Variants in UGT2B28 observed in about 807,000 individuals in gnomAD.
UGT2B28 encodes UDP-glucuronosyltransferase 2B28.
A neutral mutation model predicts 43.6 loss-of-function variants in UGT2B28; 45 were observed. The observed-to-expected ratio is 1.03, with a 90% CI of 0.81 to 1.32. The LOEUF is 1.32. Ranked by LOEUF, UGT2B28 falls within the 40% of genes most tolerant of loss-of-function variation. The pLI is 0.00. For synonymous variants in UGT2B28, 204 were observed against 208.1 expected, an observed-to-expected ratio of 0.98 and a Z score of 0.17; for missense variants, 649 against 625.5, an observed-to-expected ratio of 1.04 and a Z score of -0.40.
At chr4:69,288,339 C>A (rs186116488) in intron 3 of UGT2B28, among the ~76,000 whole-genome samples, 1 of 138,774 alleles carries the variant, frequency 7.2e-6, no homozygotes, top group Non-Finnish European at 1.5e-5. Context: ...GCTATTTTGT[C>A]AATCAAAGGA....
At position 69,287,109 on chromosome 4, in the gene UGT2B28, T is replaced by C. The variant is rs1487068790; in HGVS notation, c.1002+226T>C. The stretch of plus-strand genomic sequence containing the variant: ...ACCCTTGGTATGCATGAGTGGTTCC[T>C]ATTACTACCAGTGGGAACTCAGTAC... On this transcript the variant is annotated intron_variant, in intron 3 of 5. Coordinates refer to ENST00000335568, the MANE Select transcript of UGT2B28 (RefSeq NM_053039.2). Among the ~76,000 whole-genome samples, 2 of 139,214 alleles carry C rather than the reference T, an allele frequency of 1.4e-5. 1 individual carries two copies. Among genetic ancestry groups the C allele is most frequent in the Admixed American group, 1.4e-4 (2 of 13,848 alleles). The allele number at this position is 139,214 out of a possible 152,430, so 91.3% of individuals were successfully genotyped here. A position where few individuals can be genotyped will look rare whatever the true frequency, so the allele number is the denominator to read the frequency against.
Position 69,294,796 on chromosome 4 carries a change from GA to G in UGT2B28, c.1582del (p.Arg528GlufsTer6). The G allele has an allele frequency of 6.4e-7, 1 of 1,554,198 alleles. No homozygotes were observed. The highest frequency in any genetic ancestry group is 1.7e-4 in the Middle Eastern group (1 of 5,784). On this transcript the variant is annotated frameshift_variant, in exon 6 of 6. Coordinates refer to ENST00000335568, the MANE Select transcript of UGT2B28 (RefSeq NM_053039.2). LOFTEE classifies it high-confidence loss of function. ...FWKFARKGKK[G>X]KRD ...AAGTTTGCTAGAAAAGGGAAGAAGG[GA>G]AAAAGAGATTAGTTATGTCTGACAT... is the stretch of plus-strand genomic sequence containing the variant.
intron 2 of UGT2B28, among the ~76,000 whole-genome samples, chr4:69,285,135 T>G (rs1382843536): frequency 1.4e-5 from 2 of 139,016 alleles, no homozygotes; most frequent in African/African-American, 5.6e-5. Flanking sequence ...AAGATGGAAG[T>G]TTTTGCAGGA....
Position 69,282,479 on chromosome 4 carries a change from C to T in UGT2B28, c.722-35C>T. On this transcript the variant is annotated intron_variant, in intron 1 of 5. Coordinates refer to ENST00000335568, the MANE Select transcript of UGT2B28 (RefSeq NM_053039.2). ...AAAGTTATGTAAAGTAATTATCTTA[C>T]ATCATCCACTTTTTCTTTTCTTTAT... 2 of 1,527,658 alleles carry T rather than the reference C, an allele frequency of 1.3e-6. 1 individual carries two copies. The highest frequency in any genetic ancestry group is 2.6e-5 in the South Asian group (2 of 77,692). The allele number at this position is 1,527,658 out of a possible 1,614,324, so 94.6% of individuals were successfully genotyped here. A position where few individuals can be genotyped will look rare whatever the true frequency, so the allele number is the denominator to read the frequency against.
At chr4:69,289,882 C>G in intron 4 of UGT2B28, 130 bp downstream of exon 4, 1 of 1,025,774 alleles carries the variant, frequency 9.7e-7, no homozygotes, top group South Asian at 1.9e-5. Flanking sequence ...TATTTATTTT[C>G]CAGTCCTAGG....
rs769449993 is a variant in UGT2B28, at chr4:69,282,796, A to T, written c.870+134A>T. 10 of 1,289,486 alleles carry T rather than the reference A, an allele frequency of 7.8e-6. 1 individual carries two copies. Among genetic ancestry groups the T allele is most frequent in the Non-Finnish European group, 1.0e-5 (10 of 977,330 alleles). The allele number at this position is 1,289,486 out of a possible 1,614,324, so 79.9% of individuals were successfully genotyped here. On this transcript the variant is annotated intron_variant, in intron 2 of 5. Coordinates refer to ENST00000335568, the MANE Select transcript of UGT2B28 (RefSeq NM_053039.2). The stretch of plus-strand genomic sequence containing the variant: ...GTAGGTGGTGTAAAGCAGATACCAA[A>T]TAGAAACTCATGTATATGTTAATAC...
At chr4:69,282,221 GAT>G (rs1168281270) in intron 1 of UGT2B28, among the ~76,000 whole-genome samples, 4 of 139,592 alleles carry the variant, frequency 2.9e-5, no homozygotes, top group African/African-American at 5.6e-5. Flanking sequence ...AAAATAAATT[GAT>G]GTTTAATTTT....
In UGT2B28 at chr4:69,281,569, T is replaced by A. The variant is rs1215009214; in HGVS notation, c.721+348T>A. 1.3e-4 allele frequency among the ~76,000 whole-genome samples: 18 copies of A among 140,746 alleles called. 4 individuals are homozygous for A. The highest frequency in any genetic ancestry group is 3.6e-4 in the African/African-American group (13 of 36,116). The allele number at this position is 140,746 out of a possible 152,430, so 92.3% of individuals were successfully genotyped here. On this transcript the variant is annotated intron_variant, in intron 1 of 5. Coordinates refer to ENST00000335568, the MANE Select transcript of UGT2B28 (RefSeq NM_053039.2). ...GTAACATCTTACTGAATGCATAGATTTAGAATGAGTAATTACACATTTTTC... is the reference window on the plus strand; with the variant it reads ...GTAACATCTTACTGAATGCATAGATATAGAATGAGTAATTACACATTTTTC...
intron 2 of UGT2B28, among the ~76,000 whole-genome samples, chr4:69,285,363 T>C (rs990574847): frequency 7.1e-6 from 1 of 140,236 alleles, no homozygotes; most frequent in African/African-American, 2.8e-5. Flanking sequence ...ATATTATCAC[T>C]AAAGGAGCAA....
Position 69,282,545 on chromosome 4 carries a change from G to A in UGT2B28, c.753G>A (p.Gly251=), listed in dbSNP as rs370513385. ...CCACTACCTTATTTGAGACAATGGG[G>A]AAAGCTGACATATGGCTTATGCGAA... ...GRPTTLFETM[G]KADIWLMRNS... is the part of the protein sequence containing the mutation. The change falls in exon 2 of 6, where the codon GGG becomes GGA. Residue 251 remains glycine (G), a synonymous_variant. Transcript: ENST00000335568. The A allele has an allele frequency of 4.8e-5, 74 of 1,550,094 alleles. 11 individuals carry two copies. The highest frequency in any genetic ancestry group is 3.4e-4 in the African/African-American group (22 of 65,130).
chr4:69,290,491 T>C, intron 4 of UGT2B28, 101 bp from the exon 5 acceptor site: 1 of 1,411,528 alleles, frequency 7.1e-7, no homozygotes. Flanking sequence ...GGCAAATTAG[T>C]TTAATGTGTT....
chr4:69,280,787 G>A lies in UGT2B28; in HGVS notation c.287G>A (p.Arg96Lys). The change falls in exon 1 of 6, where the codon AGA (arginine) becomes AAA (lysine). Residue 96 changes from arginine to lysine, a missense_variant. Coordinates refer to ENST00000335568, the MANE Select transcript of UGT2B28 (RefSeq NM_053039.2). ...FENIIMQQVK[R>K]WSDIQKDSFW... is the part of the protein sequence containing the mutation. ...AATATCATCATGCAACAGGTTAAGA[G>A]ATGGTCAGACATTCAAAAAGATAGC... The A allele has an allele frequency of 1.9e-6, 3 of 1,569,394 alleles. No individual in the cohort carries two copies. The highest frequency in any genetic ancestry group is 2.6e-6 in the Non-Finnish European group (3 of 1,160,330).
chr4:69,292,691 T>C lies in UGT2B28; in HGVS notation c.1311-1839T>C, dbSNP rs1248978739. Among the ~76,000 whole-genome samples, 2 of 140,000 alleles carry C rather than the reference T, an allele frequency of 1.4e-5. 1 individual carries two copies. Among genetic ancestry groups the C allele is most frequent in the Non-Finnish European group, 3.1e-5 (2 of 65,496 alleles). The allele number at this position is 140,000 out of a possible 152,430, so 91.8% of individuals were successfully genotyped here. A position where few individuals can be genotyped will look rare whatever the true frequency, so the allele number is the denominator to read the frequency against. On this transcript the variant is annotated intron_variant, in intron 5 of 5. Coordinates refer to ENST00000335568, the MANE Select transcript of UGT2B28 (RefSeq NM_053039.2). The stretch of plus-strand genomic sequence containing the variant: ...TATATATCAACTTGAAGACACATTT[T>C]CCTGGAGTACGTCAAATAGTTAATC...
Position 69,292,380 on chromosome 4 carries a change from A to C in UGT2B28, c.1310+1569A>C, listed in dbSNP as rs1223585787. 1.4e-5 allele frequency among the ~76,000 whole-genome samples: 2 copies of C among 140,338 alleles called. 1 individual carries two copies. Among genetic ancestry groups the C allele is most frequent in the Non-Finnish European group, 3.0e-5 (2 of 65,610 alleles). The allele number at this position is 140,338 out of a possible 152,430, so 92.1% of individuals were successfully genotyped here. ...CTTTAAAAATACTTTATCCCAAAGA[A>C]AATAGAAGGATAATGAATGATCAAT... is the stretch of plus-strand genomic sequence containing the variant. On this transcript the variant is annotated intron_variant, in intron 5 of 5. Coordinates refer to ENST00000335568, the MANE Select transcript of UGT2B28 (RefSeq NM_053039.2).
Position 69,292,372 on chromosome 4 carries a change from C to T in UGT2B28, c.1310+1561C>T, listed in dbSNP as rs1212472839. Among the ~76,000 whole-genome samples the T allele has an allele frequency of 2.9e-5, 4 of 138,976 alleles. 1 individual carries two copies. The highest frequency in any genetic ancestry group is 1.1e-4 in the African/African-American group (4 of 35,492). The allele number at this position is 138,976 out of a possible 152,430, so 91.2% of individuals were successfully genotyped here. A position where few individuals can be genotyped will look rare whatever the true frequency, so the allele number is the denominator to read the frequency against. ...AAGGAATGCTTTAAAAATACTTTAT[C>T]CCAAAGAAAATAGAAGGATAATGAA... On this transcript the variant is annotated intron_variant, in intron 5 of 5. Coordinates refer to ENST00000335568, the MANE Select transcript of UGT2B28 (RefSeq NM_053039.2).
rs777765899 is a variant in UGT2B28 at position 69,280,824 on chromosome 4, T to G, written c.324T>G (p.Tyr108Ter). The change falls in exon 1 of 6, where the codon TAT becomes TAG. Residue 108 changes from tyrosine to a stop codon, truncating the protein, a stop_gained. Transcript: ENST00000335568. LOFTEE classifies it high-confidence loss of function. ...TTCAAAAAGATAGCTTTTGGTTATA[T>G]TTTTCACAAGAACAAGAAATCCTGT... Reference protein sequence around the residue: ...SDIQKDSFWLYFSQEQEILWE... With the variant: ...SDIQKDSFWL 43 of 1,564,628 alleles carry G rather than the reference T, an allele frequency of 2.7e-5. 4 individuals are homozygous for G. Among genetic ancestry groups the G allele is most frequent in the Non-Finnish European group, 3.5e-5 (40 of 1,157,098 alleles).
In UGT2B28 at chr4:69,286,814, A is replaced by G; in HGVS notation, c.933A>G (p.Ser311=). ...ENGVVVFSLG[S]VISNMTAERA... ...GTGTTGTGGTGTTTTCTCTGGGGTC[A>G]GTGATAAGTAACATGACAGCAGAAA... Residue 311 remains serine, a synonymous_variant, in exon 3 of 6, where the codon TCA becomes TCG. Transcript: ENST00000335568. The G allele has an allele frequency of 6.4e-7, 1 of 1,557,138 alleles. No individual in the cohort carries two copies. Among genetic ancestry groups the G allele is most frequent in the Non-Finnish European group, 8.7e-7 (1 of 1,154,722 alleles).
chr4:69,280,494 C>A lies in UGT2B28; in HGVS notation c.-7C>A. ...TGACTTGAAAAGAATGATTGCATTG[C>A]ACCAGGATGGCTCTGAAGTGGACTT... On this transcript the variant is annotated 5_prime_UTR_variant, in exon 1 of 6. Transcript: ENST00000335568. 1.9e-6 allele frequency: 3 copies of A among 1,549,466 alleles called. No homozygotes were observed. The East Asian group carries it at 6.9e-5, about 36-fold the overall frequency.
chr4:69,280,692 T>C lies in UGT2B28; in HGVS notation c.192T>C (p.Phe64=), dbSNP rs1284228553. 2 of 1,561,010 alleles carry C rather than the reference T, an allele frequency of 1.3e-6. 1 individual carries two copies. The highest frequency in any genetic ancestry group is 3.0e-5 in the African/African-American group (2 of 66,316). ...TGGCATCTTCAGCTTCCATTCTTTT[T>C]GATCCCAATGACGCATTCACTCTTA... The part of the protein sequence containing the change: ...TVLASSASIL[F]DPNDAFTLKL... The change falls in exon 1 of 6, where the codon TTT becomes TTC. Residue 64 remains phenylalanine (F), a synonymous_variant. Transcript: ENST00000335568.
Sources: allele counts gnomAD v4.1 joint callset (sites outside exome capture counted in the v4.1 genomes callset), GRCh38; gene constraint gnomAD v4.1.1; transcripts MANE v1.5; gene names NCBI Gene and HGNC (gene_info 2026-07-23, HGNC 2026-07-21).